TCF7L1: variants seen among roughly 807,000 people sequenced by gnomAD.
TCF7L1 encodes transcription factor 7 like 1.
TCF7L1 carries 18 observed loss-of-function variants against 63.7 expected under a neutral mutation model. That is an observed-to-expected ratio of 0.28 (90% confidence interval 0.20 to 0.42). The LOEUF (loss-of-function observed/expected upper bound fraction) is 0.42. TCF7L1 is among the 10% of genes least tolerant of loss of function. TCF7L1 has a pLI of 1.00. For synonymous variants in TCF7L1, 355 were observed against 340.9 expected, an observed-to-expected ratio of 1.04 and a Z score of -0.46; for missense variants, 654 against 779.3, an observed-to-expected ratio of 0.84 and a Z score of 1.91.
rs531885483 is a variant in TCF7L1 at position 85,174,896 on chromosome 2, A to G, written c.441+40446A>G. Among the ~76,000 whole-genome samples the G allele has an allele frequency of 4.4e-4, 67 of 152,232 alleles. No individual in the cohort carries two copies. In the South Asian group the frequency reaches 7.5e-3, roughly 17 times the overall value. On this transcript the variant is annotated intron_variant, in intron 3 of 11. Transcript: ENST00000282111. ...CTACCTTTCTTCCTCCGGACCTCAT[A>G]TTAGACCAGCTCCTCAGGCCTTTTT...
chr2:85,222,783 G>A (rs1226273675), intron 3 of TCF7L1, among the ~76,000 whole-genome samples: 1 of 152,014 alleles, frequency 6.6e-6, no homozygotes, highest in Non-Finnish European at 1.5e-5. Context: ...AAACTGTAGG[G>A]AAAAATTATT....
chr2:85,300,483 C>T (rs1681942864), intron 4 of TCF7L1, among the ~76,000 whole-genome samples: 1 of 152,154 alleles, frequency 6.6e-6, no homozygotes, highest in African/African-American at 2.4e-5. Context: ...CCAGTGAGCC[C>T]ACCAGCCACC....
chr2:85,215,814 G>C (rs1426048942), intron 3 of TCF7L1, among the ~76,000 whole-genome samples: 3 of 151,930 alleles, frequency 2.0e-5, no homozygotes, highest in Non-Finnish European at 2.9e-5. Context: ...GGACACGGCT[G>C]TCTTTGTTTT....
chr2:85,251,350 T>C (rs548935007), intron 3 of TCF7L1, among the ~76,000 whole-genome samples: 1 of 152,364 alleles, frequency 6.6e-6, no homozygotes, highest in East Asian at 1.9e-4. Flanking sequence ...CTCATTTCTA[T>C]GCACACAAAG....
intron 3 of TCF7L1, among the ~76,000 whole-genome samples, chr2:85,274,968 C>G (rs933304349): frequency 6.6e-6 from 1 of 152,168 alleles, no homozygotes; most frequent in Non-Finnish European, 1.5e-5. Context: ...CTCTGCCAGG[C>G]AGTAGGTGTT....
Position 85,134,918 on chromosome 2 carries a change from C to G in TCF7L1, c.441+468C>G, listed in dbSNP as rs1013281679. Reference sequence around the variant, plus strand: ...CCCAGTTTTCGTGGCGGGTTATTCACAGCCCCCGTTCCCACCCCCAGCCCT... The same window carrying G: ...CCCAGTTTTCGTGGCGGGTTATTCAGAGCCCCCGTTCCCACCCCCAGCCCT... On this transcript the variant is annotated intron_variant, in intron 3 of 11. Transcript: ENST00000282111. The surrounding 1 kb of genome is among the most constrained non-coding windows in gnomAD (Gnocchi z 5.0). Among the ~76,000 whole-genome samples, 5 of 152,194 alleles carry G rather than the reference C, an allele frequency of 3.3e-5. No individual in the cohort carries two copies. The highest frequency in any genetic ancestry group is 1.2e-4 in the African/African-American group (5 of 41,454).
chr2:85,150,225 T>C (rs1359840858), intron 3 of TCF7L1, among the ~76,000 whole-genome samples: 3 of 152,206 alleles, frequency 2.0e-5, no homozygotes, highest in East Asian at 1.9e-4. Context: ...CTGTCTCTCA[T>C]GTTCTTGACT....
At chr2:85,282,619 T>C (rs978664255) in intron 3 of TCF7L1, among the ~76,000 whole-genome samples, 3 of 152,142 alleles carry the variant, frequency 2.0e-5, no homozygotes, top group Non-Finnish European at 2.9e-5. Flanking sequence ...TCAGAGTTGT[T>C]AATCACTCAT....
At chr2:85,159,087 C>T (rs537268558) in intron 3 of TCF7L1, among the ~76,000 whole-genome samples, 17 of 152,272 alleles carry the variant, frequency 1.1e-4, no homozygotes, top group South Asian at 6.2e-4. Flanking sequence ...GTGGACAGTG[C>T]GGTTCAGCCT....
chr2:85,201,018 T>G (rs1679257456), intron 3 of TCF7L1, among the ~76,000 whole-genome samples: 1 of 152,132 alleles, frequency 6.6e-6, no homozygotes, highest in Admixed American at 6.5e-5. Context: ...CTGGCCAACA[T>G]GGTGAAACCC....
Position 85,249,758 on chromosome 2 carries a change from G to T in TCF7L1, c.442-33737G>T, listed in dbSNP as rs1680549612. 2.0e-5 allele frequency among the ~76,000 whole-genome samples: 3 copies of T among 152,260 alleles called. No homozygotes were observed. In the South Asian group the frequency reaches 6.2e-4, roughly 32 times the overall value. The stretch of plus-strand genomic sequence containing the variant: ...GGGCCTCCATCCAGGCCTTTTCCTG[G>T]GAGAGTAGAAAACCCATGGGCTCTG... On this transcript the variant is annotated intron_variant, in intron 3 of 11. Coordinates refer to ENST00000282111, the MANE Select transcript of TCF7L1 (RefSeq NM_031283.3).
At chr2:85,236,164 TC>T (rs562934236) in intron 3 of TCF7L1, among the ~76,000 whole-genome samples, 26 of 130,880 alleles carry the variant, frequency 2.0e-4, no homozygotes, top group African/African-American at 8.0e-4. Flanking sequence ...AACCACGCCA[TC>T]CCCCCCCCAA....
chr2:85,150,574 G>A (rs371175365), intron 3 of TCF7L1, among the ~76,000 whole-genome samples: 12 of 149,890 alleles, frequency 8.0e-5, no homozygotes, highest in African/African-American at 2.9e-4. Context: ...TTATTTTGCA[G>A]AAGAACCTTG....
At chr2:85,142,067 C>T (rs1046183540) in intron 3 of TCF7L1, among the ~76,000 whole-genome samples, 1 of 152,112 alleles carries the variant, frequency 6.6e-6, no homozygotes, top group Non-Finnish European at 1.5e-5. Context: ...ACATGGCACA[C>T]CTGGGAAATT....
In TCF7L1 at chr2:85,306,178, G is replaced by A. The variant is rs1163796042; in HGVS notation, c.990-28G>A. ...TGATGAGTTGTGTGACACCTGACATGCTAACCTACAACCACGTGCCTTCCC... is the reference window on the plus strand; with the variant it reads ...TGATGAGTTGTGTGACACCTGACATACTAACCTACAACCACGTGCCTTCCC... On this transcript the variant is annotated intron_variant, in intron 8 of 11. Coordinates refer to ENST00000282111, the MANE Select transcript of TCF7L1 (RefSeq NM_031283.3). This position sits in a 1 kb window ranked among gnomAD's most constrained non-coding sequence, Gnocchi z 4.3. The A allele has an allele frequency of 6.2e-7, 1 of 1,613,446 alleles. No homozygotes were observed. The highest frequency in any genetic ancestry group is 8.5e-7 in the Non-Finnish European group (1 of 1,179,650).
chr2:85,134,029 C>A lies in TCF7L1; in HGVS notation c.263C>A (p.Pro88Gln). 1 of 1,609,996 alleles carries A rather than the reference C, an allele frequency of 6.2e-7. No individual in the cohort carries two copies. Among genetic ancestry groups the A allele is most frequent in the South Asian group, 1.1e-5 (1 of 90,480 alleles). Residue 88 changes from proline to glutamine, a missense_variant, in exon 2 of 12, where the codon CCG becomes CAG. Transcript: ENST00000282111. The surrounding 1 kb of genome is among the most constrained non-coding windows in gnomAD (Gnocchi z 5.0). ...TCTCCTCCGCAGGCGGAGAGGCGCC[C>A]GCAGCCCGTCCGGGACACTTTCCAG... ...SSSDSEAERR[P>Q]QPVRDTFQKP... is the part of the protein sequence containing the mutation.
At position 85,177,814 on chromosome 2, in the gene TCF7L1, A is replaced by G. The variant is rs144181568; in HGVS notation, c.441+43364A>G. 6.2e-3 allele frequency among the ~76,000 whole-genome samples: 943 copies of G among 152,346 alleles called. 11 individuals carry two copies. The highest frequency in any genetic ancestry group is 0.021 in the African/African-American group (884 of 41,584). On this transcript the variant is annotated intron_variant, in intron 3 of 11. Coordinates refer to ENST00000282111, the MANE Select transcript of TCF7L1 (RefSeq NM_031283.3). ...TCTTTGTCTTTATTCTGATGAATTC[A>G]TATTTTATATAGTTAAAATCAAAGC... is the stretch of plus-strand genomic sequence containing the variant.
chr2:85,298,954 G>A (rs1008718295), intron 4 of TCF7L1, among the ~76,000 whole-genome samples: 1 of 152,026 alleles, frequency 6.6e-6, no homozygotes, highest in East Asian at 1.9e-4. Context: ...GGACAATGAT[G>A]CCACCTAGTG....
intron 3 of TCF7L1, among the ~76,000 whole-genome samples, chr2:85,283,274 C>A (rs550806948): frequency 5.8e-5 from 8 of 138,712 alleles, no homozygotes; most frequent in East Asian, 2.1e-4. Context: ...GTCCCCCCCC[C>A]CAAAATGACA....
Sources: gnomAD v4.1 joint callset for allele counts (sites outside exome capture counted in the v4.1 genomes callset) on GRCh38, gnomAD v4.1.1 for gene constraint, Gnocchi (gnomAD v3.1) non-coding constraint, MANE v1.5 for transcripts, NCBI Gene and HGNC (gene_info 2026-07-23, HGNC 2026-07-21) for gene names.